The following SSBP2 variants were observed in gnomAD, a reference collection of about 807,000 sequenced individuals.
SSBP2 encodes the protein single-stranded DNA-binding protein 2.
SSBP2 carries 17 observed loss-of-function variants against 61.8 expected under a neutral mutation model. That is an observed-to-expected ratio of 0.28 (90% CI 0.19 to 0.41). The LOEUF (loss-of-function observed/expected upper bound fraction) is 0.41, where lower values mean the gene tolerates loss of function less well. SSBP2 is among the 10% of genes least tolerant of loss of function. The pLI, the probability that SSBP2 is intolerant of heterozygous loss-of-function variation, is 1.00. For missense variants in SSBP2, 310 were observed against 458.7 expected, an observed-to-expected ratio of 0.68 and a Z score of 2.96; for synonymous variants, 139 against 141.3, an observed-to-expected ratio of 0.98 and a Z score of 0.12.
At chr5:81,643,706 G>A (rs1044060866) in intron 2 of SSBP2, among the ~76,000 whole-genome samples, 4 of 143,704 alleles carry the variant, frequency 2.8e-5, no homozygotes, top group African/African-American at 5.2e-5. Context: ...AGGCTCAAGC[G>A]ATTCTCCTGC....
At chr5:81,487,227 T>C (rs1213137697) in intron 6 of SSBP2, among the ~76,000 whole-genome samples, 3 of 152,208 alleles carry the variant, frequency 2.0e-5, no homozygotes, top group Non-Finnish European at 2.9e-5. Flanking sequence ...TATTCCATAG[T>C]GTTAAGCATT....
intron 4 of SSBP2, among the ~76,000 whole-genome samples, chr5:81,574,099 C>T (rs1039483444): frequency 6.6e-6 from 1 of 152,018 alleles, no homozygotes; most frequent in Non-Finnish European, 1.5e-5. Flanking sequence ...CGAGATCGCG[C>T]CACTGCACTC....
At chr5:81,653,546 T>G (rs1160013732) in intron 1 of SSBP2, among the ~76,000 whole-genome samples, 1 of 152,228 alleles carries the variant, frequency 6.6e-6, no homozygotes, top group Non-Finnish European at 1.5e-5. Flanking sequence ...ATGGTTGAAC[T>G]AATTTACACT....
intron 3 of SSBP2, among the ~76,000 whole-genome samples, chr5:81,634,380 C>T (rs1428687600): frequency 6.6e-6 from 1 of 152,092 alleles, no homozygotes; most frequent in Non-Finnish European, 1.5e-5. Flanking sequence ...CTAGATTGAA[C>T]CAATGTATTT....
intron 10 of SSBP2, among the ~76,000 whole-genome samples, chr5:81,451,411 A>G (rs1763762738): frequency 6.6e-6 from 1 of 150,642 alleles, no homozygotes; most frequent in Non-Finnish European, 1.5e-5. Flanking sequence ...CTTTTATATT[A>G]TTTATTTATT....
At chr5:81,511,699 G>T (rs1768621087) in intron 5 of SSBP2, among the ~76,000 whole-genome samples, 3 of 152,128 alleles carry the variant, frequency 2.0e-5, no homozygotes, top group Admixed American at 2.0e-4. Context: ...GGTCATCACA[G>T]AACTTTAAAC....
At chr5:81,677,093 C>A (rs971596315) in intron 1 of SSBP2, among the ~76,000 whole-genome samples, 1 of 152,064 alleles carries the variant, frequency 6.6e-6, no homozygotes, top group Non-Finnish European at 1.5e-5. Context: ...TAATAATATT[C>A]GTTTAAGGCC....
intron 4 of SSBP2, among the ~76,000 whole-genome samples, chr5:81,570,531 G>GT (rs1773755624): frequency 6.6e-6 from 1 of 152,164 alleles, no homozygotes; most frequent in Admixed American, 6.5e-5. Flanking sequence ...TCTAAGTACA[G>GT]TGACGACCAA....
At chr5:81,534,923 A>G (rs1770698767) in intron 4 of SSBP2, among the ~76,000 whole-genome samples, 1 of 152,032 alleles carries the variant, frequency 6.6e-6, no homozygotes, top group Admixed American at 6.6e-5. Context: ...ATTGCAGAAA[A>G]TAGAAGATAA....
intron 5 of SSBP2, among the ~76,000 whole-genome samples, chr5:81,503,471 A>AAAACC (rs1767954255): frequency 6.6e-6 from 1 of 152,096 alleles, no homozygotes; most frequent in Non-Finnish European, 1.5e-5. Context: ...AAAACAAAAC[A>AAAACC]AAACAAAAAA....
chr5:81,434,221 CA>C, intron 15 of SSBP2, among the ~76,000 whole-genome samples: 1 of 152,148 alleles, frequency 6.6e-6, no homozygotes, highest in East Asian at 1.9e-4. Context: ...AGTAGAAAAA[CA>C]ATTGAAGTAG....
At position 81,457,618 on chromosome 5, in the gene SSBP2, C is replaced by G. The variant is rs1185578136; in HGVS notation, c.687+3437G>C. Among the ~76,000 whole-genome samples, 7 of 152,094 alleles carry G rather than the reference C, an allele frequency of 4.6e-5. No individual in the cohort carries two copies. The East Asian group carries it at 1.4e-3, about 29-fold the overall frequency. On this transcript the variant is annotated intron_variant, in intron 10 of 16. Transcript: ENST00000320672. ...AAAATTAACATCAACAATAATGGGA[C>G]AAATCATCATGTGCCTCCTGAAATG...
At chr5:81,493,013 T>C (rs1766974308) in intron 5 of SSBP2, among the ~76,000 whole-genome samples, 1 of 151,876 alleles carries the variant, frequency 6.6e-6, no homozygotes, top group Admixed American at 6.6e-5. Context: ...ACCATTTTCA[T>C]CAAGGAGCTA....
At chr5:81,501,563 C>CTTTTTTTT (rs71603598) in intron 5 of SSBP2, among the ~76,000 whole-genome samples, 1 of 117,390 alleles carries the variant, frequency 8.5e-6, no homozygotes, top group Non-Finnish European at 1.8e-5. Context: ...TCTTTCTTTT[C>CTTTTTTTT]TTTTTTTTTT....
chr5:81,742,424 T>C (rs1024315542), intron 1 of SSBP2, among the ~76,000 whole-genome samples: 2 of 152,184 alleles, frequency 1.3e-5, no homozygotes, highest in Admixed American at 1.3e-4. Flanking sequence ...TTGTGACATA[T>C]TTCCAATTCA....
upstream of SSBP2, chr5:81,751,565 C>T (rs1457676676): frequency 8.5e-5 from 6 of 70,962 alleles, no homozygotes; most frequent in South Asian, 1.2e-3. Context: ...GACTTCGGGG[C>T]GCCCGCCGAG....
chr5:81,683,817 A>G (rs113071542), intron 1 of SSBP2, among the ~76,000 whole-genome samples: 164 of 152,360 alleles, frequency 1.1e-3, no homozygotes, highest in African/African-American at 3.6e-3. Context: ...CCTTTCACCA[A>G]TGAAGATATA....
intron 2 of SSBP2, among the ~76,000 whole-genome samples, chr5:81,638,903 CCT>C (rs1390586785): frequency 1.3e-5 from 2 of 151,986 alleles, no homozygotes; most frequent in African/African-American, 4.8e-5. Context: ...GAATTAGTGC[CCT>C]GTTACACTGA....
intron 5 of SSBP2, among the ~76,000 whole-genome samples, chr5:81,490,509 T>C (rs540914971): frequency 6.6e-6 from 1 of 152,258 alleles, no homozygotes; most frequent in East Asian, 1.9e-4. Flanking sequence ...TTAATTAATA[T>C]GAATTAAGAA....
Sources: allele counts gnomAD v4.1 joint callset (sites outside exome capture counted in the v4.1 genomes callset), GRCh38; gene constraint gnomAD v4.1.1; transcripts MANE v1.5; gene names NCBI Gene and HGNC (gene_info 2026-07-23, HGNC 2026-07-21).